The following PLEKHA6 variants were observed in gnomAD, a reference collection of about 807,000 sequenced individuals.
The protein encoded by PLEKHA6 is pleckstrin homology domain containing A6.
A neutral mutation model predicts 116.7 loss-of-function variants in PLEKHA6; 60 were observed. The ratio of observed to expected loss-of-function variants is 0.51; its 90% CI spans 0.42 to 0.64. The LOEUF is 0.64. Among genes scored for constraint, PLEKHA6 ranks in the 30% least tolerant of loss-of-function variants. PLEKHA6 has a pLI of 0.00. For missense variants in PLEKHA6, 1,338 were observed against 1,422.7 expected, an observed-to-expected ratio of 0.94 and a Z score of 0.96; for synonymous variants, 489 against 556.1, an observed-to-expected ratio of 0.88 and a Z score of 1.70.
At chr1:204,234,381 T>A (rs185902607) in intron 17 of PLEKHA6, among the ~76,000 whole-genome samples, 7 of 152,278 alleles carry the variant, frequency 4.6e-5, no homozygotes, top group Non-Finnish European at 8.8e-5. Flanking sequence ...TGTGACAGAA[T>A]AAGTTTCTAT....
intron 3 of PLEKHA6, among the ~76,000 whole-genome samples, chr1:204,366,667 A>G (rs1179294564): frequency 3.9e-5 from 6 of 152,226 alleles, no homozygotes. Flanking sequence ...AGGCAGAGGC[A>G]CGAGAATCTC....
intron 1 of PLEKHA6, among the ~76,000 whole-genome samples, chr1:204,349,734 C>T (rs1673212990): frequency 6.6e-6 from 1 of 152,088 alleles, no homozygotes; most frequent in African/African-American, 2.4e-5. Context: ...CTTCATAGAT[C>T]AGAGTGGCGA....
At chr1:204,258,702 A>T (rs1665685693) in intron 8 of PLEKHA6, among the ~76,000 whole-genome samples, 1 of 152,248 alleles carries the variant, frequency 6.6e-6, no homozygotes, top group Non-Finnish European at 1.5e-5. Flanking sequence ...ATGTCCCCAG[A>T]TATTTCAAAG....
At chr1:204,232,873 G>T (rs958293223) in intron 17 of PLEKHA6, among the ~76,000 whole-genome samples, 4 of 152,172 alleles carry the variant, frequency 2.6e-5, no homozygotes, top group Admixed American at 2.0e-4. Context: ...TCCCCTGCTG[G>T]ATTTCAAGCT....
At chr1:204,282,277 G>A (rs980027059) in intron 1 of PLEKHA6, among the ~76,000 whole-genome samples, 2 of 152,156 alleles carry the variant, frequency 1.3e-5, no homozygotes, top group Admixed American at 1.3e-4. Flanking sequence ...ATACTATACA[G>A]GGGAACTTCA....
At chr1:204,292,254 G>C (rs1425157723) in intron 1 of PLEKHA6, among the ~76,000 whole-genome samples, 1 of 152,150 alleles carries the variant, frequency 6.6e-6, no homozygotes, top group East Asian at 1.9e-4. Flanking sequence ...TATCTCATTT[G>C]GTTCTTTTAT....
At chr1:204,269,010 A>T (rs1667150101) in intron 3 of PLEKHA6, among the ~76,000 whole-genome samples, 4 of 152,034 alleles carry the variant, frequency 2.6e-5, no homozygotes. Flanking sequence ...CCCTAACTTT[A>T]CACAGCCTTG....
chr1:204,323,979 G>C (rs952910403), intron 1 of PLEKHA6, among the ~76,000 whole-genome samples: 5 of 152,182 alleles, frequency 3.3e-5, no homozygotes, highest in African/African-American at 1.2e-4. Flanking sequence ...GTTCATCCAT[G>C]AGATCACTCA....
At position 204,219,221 on chromosome 1, in the gene PLEKHA6, G is replaced by GTC. The variant is rs1659395456; in HGVS notation, c.*3566_*3567insGA. 1 of 124,216 alleles carries GTC rather than the reference G, an allele frequency of 8.1e-6. No individual in the cohort carries two copies. The highest frequency in any genetic ancestry group is 3.3e-5 in the African/African-American group (1 of 30,036). 7.7% of individuals were successfully genotyped at this position (124,216 alleles called of 1,614,324 possible). On this transcript the variant is annotated 3_prime_UTR_variant, in exon 23 of 23. Coordinates refer to ENST00000272203, the MANE Select transcript of PLEKHA6 (RefSeq NM_014935.5). ...CCAATATGTGCATAAATAGATATAC[G>GTC]TGTGTGTGTGTGTGTGTGTGTATAT...
intron 1 of PLEKHA6, chr1:204,311,816 A>T: frequency 3.3e-6 from 1 of 300,746 alleles, no homozygotes; most frequent in Non-Finnish European, 4.9e-6. Flanking sequence ...CTTCACAATC[A>T]CCCATGGCCA....
intron 1 of PLEKHA6, among the ~76,000 whole-genome samples, chr1:204,373,811 G>C (rs540151682): frequency 6.6e-6 from 1 of 152,222 alleles, no homozygotes; most frequent in South Asian, 2.1e-4. Context: ...CCTCTGATAA[G>C]CAGAGAAAAA....
At position 204,308,687 on chromosome 1, in the gene PLEKHA6, C is replaced by CTTTCTTTTTT. The variant is rs775770952; in HGVS notation, c.-94-33879_-94-33878insAAAAAAGAAA. 8.0e-3 allele frequency among the ~76,000 whole-genome samples: 648 copies of CTTTCTTTTTT among 81,402 alleles called. 19 individuals carry two copies. The highest frequency in any genetic ancestry group is 0.03 in the African/African-American group (561 of 18,616). 53.4% of individuals were successfully genotyped at this position (81,402 alleles called of 152,430 possible). A position where few individuals can be genotyped will look rare whatever the true frequency, so the allele number is the denominator to read the frequency against. On this transcript the variant is annotated intron_variant, in intron 1 of 22. Coordinates refer to ENST00000272203, the MANE Select transcript of PLEKHA6 (RefSeq NM_014935.5). ...CAAGAAGGTAATTCTTTTTCTTTTT[C>CTTTCTTTTTT]TTTTTTTTTTTTTTTTTTTTTGAGA...
At position 204,221,035 on chromosome 1, in the gene PLEKHA6, G is replaced by A. The variant is rs975332932; in HGVS notation, c.*1753C>T. ...CAATCCCACCTGCCAGTCTGCAGGG[G>A]AGAAAGGGCAGGTTTGGGGTGCTTG... On this transcript the variant is annotated 3_prime_UTR_variant, in exon 23 of 23. Transcript: ENST00000272203. 6.6e-6 allele frequency: 1 copy of A among 152,264 alleles called. No homozygotes were observed. The highest frequency in any genetic ancestry group is 1.9e-4 in the East Asian group (1 of 5,190). The allele number at this position is 152,264 out of a possible 1,614,324, so 9.4% of individuals were successfully genotyped here. A position where few individuals can be genotyped will look rare whatever the true frequency, so the allele number is the denominator to read the frequency against.
rs768276764 is a variant in PLEKHA6 at position 204,245,708 on chromosome 1, G to T, written c.1939C>A (p.Gln647Lys). ...LDTQNEVLNR[Q>K]IQKEIWRIQD... ...ATCCTCCAGATCTCCTTTTGGATTT[G>T]CCGGTTCAGCACCTCATTCTGAAGC... is the stretch of plus-strand genomic sequence containing the variant. The change falls in exon 14 of 23, where the codon CAA (glutamine) becomes AAA (lysine). Residue 647 changes from glutamine (Q) to lysine (K), a missense_variant. By Grantham distance (53) the Gln-to-Lys change is moderately conservative. Around this residue, in one of 3 missense-constraint regions of PLEKHA6, gnomAD observed 1,136 missense variants for 1,163.6 expected, o/e 0.98. Coordinates refer to ENST00000272203, the MANE Select transcript of PLEKHA6 (RefSeq NM_014935.5). 1.2e-6 allele frequency: 2 copies of T among 1,612,598 alleles called. No homozygotes were observed. The highest frequency in any genetic ancestry group is 3.3e-5 in the Admixed American group (2 of 60,004).
chr1:204,353,561 C>T (rs1433320489), intron 1 of PLEKHA6, among the ~76,000 whole-genome samples: 3 of 152,134 alleles, frequency 2.0e-5, no homozygotes, highest in African/African-American at 7.2e-5. Context: ...CCAGGGCCAC[C>T]GGGAGCATAT....
intron 1 of PLEKHA6, among the ~76,000 whole-genome samples, chr1:204,283,178 G>A (rs746370687): frequency 2.6e-5 from 4 of 152,068 alleles, no homozygotes; most frequent in East Asian, 1.9e-4. Context: ...GGAGAGCAGC[G>A]ACCCCACCCT....
chr1:204,226,390 A>G (rs1198484918), intron 21 of PLEKHA6, among the ~76,000 whole-genome samples: 1 of 152,146 alleles, frequency 6.6e-6, no homozygotes, highest in Non-Finnish European at 1.5e-5. Context: ...TGGCTGAGGA[A>G]CTATAGTAGA....
In PLEKHA6 at chr1:204,265,034, C is replaced by T. The variant is rs753907243; in HGVS notation, c.289G>A (p.Glu97Lys). The T allele has an allele frequency of 6.2e-7, 1 of 1,613,042 alleles. No individual in the cohort carries two copies. Among genetic ancestry groups the T allele is most frequent in the Admixed American group, 1.7e-5 (1 of 60,026 alleles). ...RCLFYYKDEK[E>K]ESILGSIPLL... ...GGGATGCTGCCCAGGATACTCTCTT[C>T]CTTCTCATCTGTCAGGGAGAGAGGC... is the stretch of plus-strand genomic sequence containing the variant. The change falls in exon 6 of 23, where the codon GAA becomes AAA. Residue 97 changes from glutamate to lysine, a missense_variant. Glu to Lys is a moderately conservative substitution (Grantham distance 56). This residue lies in a region of PLEKHA6 where 140 missense variants were observed against 197.4 expected (regional missense o/e 0.71). Coordinates refer to ENST00000272203, the MANE Select transcript of PLEKHA6 (RefSeq NM_014935.5).
At chr1:204,231,569 CTT>C (rs142955448) in intron 17 of PLEKHA6, among the ~76,000 whole-genome samples, 3 of 138,950 alleles carry the variant, frequency 2.2e-5, no homozygotes, top group Admixed American at 7.2e-5. Flanking sequence ...TTTTTTCTTT[CTT>C]TTTTTTTTTT....
Sources: gnomAD v4.1 joint callset for allele counts (sites outside exome capture counted in the v4.1 genomes callset) on GRCh38, gnomAD v4.1.1 for gene constraint, gnomAD v4.1.1 regional missense constraint, MANE v1.5 for transcripts, NCBI Gene and HGNC (gene_info 2026-07-23, HGNC 2026-07-21) for gene names.